Variants in SYNE1 observed in about 807,000 individuals in gnomAD.
SYNE1 encodes spectrin repeat containing nuclear envelope protein 1, also known as nesprin-1.
A neutral mutation model predicts 1,111.0 loss-of-function variants in SYNE1; 616 were observed. The observed-to-expected ratio is 0.55, with a 90% confidence interval of 0.52 to 0.59. The LOEUF is 0.59. SYNE1 is among the 20% of genes least tolerant of loss of function. The pLI is 0.00. For synonymous variants in SYNE1, 3,855 were observed against 3,825.8 expected, an observed-to-expected ratio of 1.01 and a Z score of -0.28; for missense variants, 10,006 against 10,417.0, an observed-to-expected ratio of 0.96 and a Z score of 1.72.
rs560435462 is a variant in SYNE1 at position 152,447,643 on chromosome 6, T to G, written c.3505-21A>C. ...ATCTCCTGAAATGAGAGAACACTTT[T>G]GATGAACACAGTGCAATTGTGAAAT... On this transcript the variant is annotated intron_variant, in intron 28 of 145. Coordinates refer to ENST00000367255, the MANE Select transcript of SYNE1 (RefSeq NM_182961.4). The G allele has an allele frequency of 3.7e-6, 6 of 1,613,974 alleles. No homozygotes were observed. In the African/African-American group the frequency reaches 8.0e-5, roughly 22 times the overall value.
intron 56 of SYNE1, among the ~76,000 whole-genome samples, chr6:152,379,779 A>G (rs4870104): frequency 0.24 from 36,414 of 152,190 alleles, 7,154 homozygotes; most frequent in African/African-American, 0.54. Context: ...ATTCTCATGT[A>G]TATTTTTATA....
At chr6:152,577,688 G>T in intron 3 of SYNE1, among the ~76,000 whole-genome samples, 1 of 151,892 alleles carries the variant, frequency 6.6e-6, no homozygotes, top group East Asian at 1.9e-4. Flanking sequence ...CTAAACTCTG[G>T]TGATTTTCCA....
At chr6:152,268,221 A>G (rs1176003445) in intron 99 of SYNE1, 56 bp from the exon 100 acceptor site, 1 of 1,361,560 alleles carries the variant, frequency 7.3e-7, no homozygotes, top group East Asian at 2.3e-5. Context: ...ATTATTGCCT[A>G]CAATCATAGT....
intron 34 of SYNE1, among the ~76,000 whole-genome samples, chr6:152,433,064 GA>G (rs1195843253): frequency 1.0e-4 from 15 of 150,070 alleles, no homozygotes; most frequent in Admixed American, 6.7e-5. Flanking sequence ...TTAATTGAAT[GA>G]AATAGCAGAG....
rs894164368 is a variant in SYNE1 at position 152,484,976 on chromosome 6, A to G, written c.1048-4T>C. The G allele has an allele frequency of 8.7e-6, 14 of 1,610,332 alleles. No homozygotes were observed. In the African/African-American group the frequency reaches 1.2e-4, roughly 14 times the overall value. On this transcript the variant is annotated splice_region_variant and splice_polypyrimidine_tract_variant and intron_variant, in intron 12 of 145. Transcript: ENST00000367255. ...GAACTCTGAAGTGCTTAAATGACTA[A>G]AAGAGGAAAAACAGCAACAGTATGG... is the stretch of plus-strand genomic sequence containing the variant.
At position 152,131,434 on chromosome 6, in the gene SYNE1, G is replaced by GA; in HGVS notation, c.26095-657dup. ...GAAATCAAAACTTCTAAAAACTAAG[G>GA]AAAAATGGAATGAATATAATCATAA... On this transcript the variant is annotated intron_variant, in intron 144 of 145. Transcript: ENST00000367255. 2.0e-5 allele frequency among the ~76,000 whole-genome samples: 3 copies of GA among 150,862 alleles called. No individual in the cohort carries two copies. The Middle Eastern group carries it at 0.01, about 524-fold the overall frequency.
chr6:152,323,214 G>C (rs1275995723), intron 82 of SYNE1, among the ~76,000 whole-genome samples: 1 of 152,162 alleles, frequency 6.6e-6, no homozygotes, highest in African/African-American at 2.4e-5. Context: ...ACTCTGGGAG[G>C]CCGAGGCGGG....
chr6:152,195,021 A>T (rs1229798145), intron 127 of SYNE1, among the ~76,000 whole-genome samples: 1 of 152,058 alleles, frequency 6.6e-6, no homozygotes. Flanking sequence ...CTTGGGTTCA[A>T]GCGATTCTCA....
rs35951822 is a variant in SYNE1 at position 152,530,623 on chromosome 6, AT to A, written c.130-4449del. On this transcript the variant is annotated intron_variant, in intron 4 of 145. Transcript: ENST00000367255. Reference sequence around the variant, plus strand: ...ACACTGTTCTGCATAGTGTGATGAAATTTTTTTTTTTTTTTTGAGACGGAGT... The same window carrying A: ...ACACTGTTCTGCATAGTGTGATGAAATTTTTTTTTTTTTTTGAGACGGAGT... Among the ~76,000 whole-genome samples, 352 of 141,940 alleles carry A rather than the reference AT, an allele frequency of 2.5e-3. 1 individual carries two copies. Among genetic ancestry groups the A allele is most frequent in the African/African-American group, 5.5e-3 (209 of 38,134 alleles). The allele number at this position is 141,940 out of a possible 152,430, so 93.1% of individuals were successfully genotyped here.
intron 24 of SYNE1, among the ~76,000 whole-genome samples, chr6:152,455,090 A>G (rs1382249299): frequency 6.6e-6 from 1 of 152,228 alleles, no homozygotes; most frequent in East Asian, 1.9e-4. Flanking sequence ...CAAAGGACTT[A>G]GCTAGTCACC....
intron 20 of SYNE1, 98 bp downstream of exon 20, chr6:152,462,640 G>A: frequency 7.0e-7 from 1 of 1,436,612 alleles, no homozygotes; most frequent in East Asian, 2.3e-5. Flanking sequence ...TGATGCCCAG[G>A]AGACACAGAA....
At chr6:152,526,291 T>C (rs934964976) in intron 4 of SYNE1, 116 bp from the exon 5 acceptor site, 7 of 1,002,362 alleles carry the variant, frequency 7.0e-6, no homozygotes, top group Non-Finnish European at 1.1e-5. Context: ...GGCTTCTATA[T>C]ACTTTAATTC....
Position 152,471,666 on chromosome 6 carries a change from T to C in SYNE1, c.1563A>G (p.Ser521=). 6.2e-7 allele frequency: 1 copy of C among 1,614,070 alleles called. No homozygotes were observed. The highest frequency in any genetic ancestry group is 1.3e-5 in the African/African-American group (1 of 75,058). The change falls in exon 16 of 146, where the codon TCA becomes TCG. Residue 521 remains serine, a synonymous_variant. Transcript: ENST00000367255. The stretch of plus-strand genomic sequence containing the variant: ...ACTTAATGATCCAAGACTTCAGCTT[T>C]GACTCTGCAAGAACCAGCAGTGAGA... ...RLLSLLVLAE[S]KLKSWIIKYG...
At chr6:152,184,917 C>T (rs1676645253) in intron 128 of SYNE1, among the ~76,000 whole-genome samples, 1 of 151,964 alleles carries the variant, frequency 6.6e-6, no homozygotes, top group South Asian at 2.1e-4. Flanking sequence ...TCAGATGAAC[C>T]CTCAAATTAT....
intron 18 of SYNE1, 112 bp from the exon 19 acceptor site, chr6:152,463,629 T>C: frequency 1.1e-6 from 1 of 950,228 alleles, no homozygotes; most frequent in South Asian, 1.4e-5. Flanking sequence ...ATGTGAATTT[T>C]AAGATAAATC....
chr6:152,130,876 G>T, intron 144 of SYNE1, 98 bp from the exon 145 acceptor site: 1 of 1,256,752 alleles, frequency 8.0e-7, no homozygotes, highest in Non-Finnish European at 1.1e-6. Flanking sequence ...TGCAGCAAAG[G>T]AAAAATAAAT....
rs201799566 is a variant in SYNE1, at chr6:152,149,564, G to A, written c.24555C>T (p.Ile8185=). The A allele has an allele frequency of 1.7e-4, 276 of 1,614,078 alleles. No homozygotes were observed. Among genetic ancestry groups the A allele is most frequent in the African/African-American group, 1.4e-3 (102 of 75,012 alleles). ...EKSEPLDAAI[I]EEELDELRRY... Reference sequence around the variant, plus strand: ...GTCGGAGCTCATCTAGTTCCTCCTCGATGATCGCTGCATCCAAGGGCTCAC... The same window carrying A: ...GTCGGAGCTCATCTAGTTCCTCCTCAATGATCGCTGCATCCAAGGGCTCAC... Residue 8185 remains isoleucine, a synonymous_variant, in exon 136 of 146, where the codon ATC becomes ATT. Transcript: ENST00000367255.
intron 75 of SYNE1, among the ~76,000 whole-genome samples, chr6:152,337,353 G>T (rs544696768): frequency 1.3e-5 from 2 of 151,450 alleles, no homozygotes; most frequent in Non-Finnish European, 2.9e-5. Flanking sequence ...GCAATGGCAC[G>T]ATCTCGGCTC....
At chr6:152,368,538 T>G (rs1391363922) in intron 61 of SYNE1, 1 of 166,508 alleles carries the variant, frequency 6.0e-6, no homozygotes, top group Non-Finnish European at 1.3e-5. Flanking sequence ...ATATTTAATC[T>G]AATAAAATTT....
Sources: gnomAD v4.1 joint callset for allele counts (sites outside exome capture counted in the v4.1 genomes callset) on GRCh38, gnomAD v4.1.1 for gene constraint, MANE v1.5 for transcripts, NCBI Gene and HGNC (gene_info 2026-07-23, HGNC 2026-07-21) for gene names.